The following STAC variants were observed in gnomAD, a reference collection of about 807,000 sequenced individuals.
STAC encodes SH3 and cysteine-rich domain-containing protein.
In STAC, 43 loss-of-function variants were observed where a neutral mutation model predicts 48.8. That is an observed-to-expected ratio of 0.88 (90% CI 0.69 to 1.14). STAC has a LOEUF of 1.14. STAC is among the 50% of genes most tolerant of loss of function. The pLI, the probability that STAC is intolerant of heterozygous loss-of-function variation, is 0.00. For missense variants in STAC, 497 were observed against 504.0 expected, an observed-to-expected ratio of 0.99 and a Z score of 0.13; for synonymous variants, 193 against 179.5, an observed-to-expected ratio of 1.07 and a Z score of -0.60.
chr3:36,543,889 A>G (rs968292549), intron 10 of STAC, among the ~76,000 whole-genome samples: 2 of 152,120 alleles, frequency 1.3e-5, no homozygotes, highest in Admixed American at 1.3e-4. Context: ...ATGTCAATAA[A>G]TTGTTTTCAA....
At chr3:36,488,764 A>C (rs895769318) in intron 5 of STAC, among the ~76,000 whole-genome samples, 1 of 152,182 alleles carries the variant, frequency 6.6e-6, no homozygotes, top group Non-Finnish European at 1.5e-5. Context: ...TCTCACCTAG[A>C]TTATTATAAA....
chr3:36,448,199 C>T (rs7652813), intron 2 of STAC, among the ~76,000 whole-genome samples: 47,079 of 114,108 alleles, frequency 0.41, 7,610 homozygotes, highest in South Asian at 0.45. Flanking sequence ...CTTTATTTTA[C>T]TTTATTTTAT....
intron 1 of STAC, among the ~76,000 whole-genome samples, chr3:36,386,115 C>A (rs1026448915): frequency 2.0e-5 from 3 of 152,066 alleles, no homozygotes; most frequent in Admixed American, 2.0e-4. Context: ...TATAAGACTT[C>A]AATCCACTCT....
At chr3:36,383,176 T>C (rs756639933) in intron 1 of STAC, among the ~76,000 whole-genome samples, 61 of 152,228 alleles carry the variant, frequency 4.0e-4, no homozygotes, top group Non-Finnish European at 8.4e-4. Flanking sequence ...AATCTGTTTA[T>C]ATATTTACAT....
chr3:36,448,671 G>T (rs1349055342), intron 2 of STAC, among the ~76,000 whole-genome samples: 1 of 152,188 alleles, frequency 6.6e-6, no homozygotes, highest in African/African-American at 2.4e-5. Flanking sequence ...TAGTTGAAAA[G>T]ATCTCATCTG....
intron 1 of STAC, among the ~76,000 whole-genome samples, chr3:36,417,716 T>C (rs7611802): frequency 0.023 from 3,535 of 152,296 alleles, 60 homozygotes; most frequent in East Asian, 0.026. Context: ...GGGAATAGTA[T>C]AGGTTTGAAA....
chr3:36,484,064 A>T (rs1234113085), intron 3 of STAC, among the ~76,000 whole-genome samples: 1 of 152,226 alleles, frequency 6.6e-6, no homozygotes, highest in African/African-American at 2.4e-5. Flanking sequence ...ATTAGACAGG[A>T]CATCAACAGC....
At chr3:36,427,887 G>A (rs1479383342) in intron 1 of STAC, among the ~76,000 whole-genome samples, 1 of 152,158 alleles carries the variant, frequency 6.6e-6, no homozygotes, top group Admixed American at 6.5e-5. Context: ...AAAAATATGT[G>A]TAACCTGACA....
In STAC at chr3:36,510,726, A is replaced by T. The variant is rs530084450; in HGVS notation, c.920+4892A>T. On this transcript the variant is annotated intron_variant, in intron 8 of 10. Transcript: ENST00000273183. ...ACAAGAACAGAAAACCAAACGCCGC[A>T]TGTTCTCACTCATAAGTGGGAGATG... 2.2e-4 allele frequency among the ~76,000 whole-genome samples: 34 copies of T among 152,224 alleles called. No individual in the cohort carries two copies. The East Asian group carries it at 6.0e-3, about 27-fold the overall frequency.
At chr3:36,439,230 T>TA (rs1053928883) in intron 1 of STAC, among the ~76,000 whole-genome samples, 1 of 152,160 alleles carries the variant, frequency 6.6e-6, no homozygotes, top group African/African-American at 2.4e-5. Flanking sequence ...TCTCCAGGGG[T>TA]AAAATTGCAT....
intron 2 of STAC, chr3:36,459,112 AC>A (rs1443163463): frequency 3.9e-5 from 6 of 152,248 alleles, no homozygotes; most frequent in Admixed American, 6.5e-5. Flanking sequence ...AAAAGGAAAT[AC>A]AAAATTAGTT....
chr3:36,390,292 G>C (rs1201677475), intron 1 of STAC, among the ~76,000 whole-genome samples: 1 of 151,996 alleles, frequency 6.6e-6, no homozygotes, highest in African/African-American at 2.4e-5. Context: ...ACAAATTCCA[G>C]ACATCCCACT....
intron 1 of STAC, among the ~76,000 whole-genome samples, chr3:36,393,116 C>T (rs1404233598): frequency 6.6e-6 from 1 of 152,190 alleles, no homozygotes; most frequent in African/African-American, 2.4e-5. Flanking sequence ...TCTGTGGCTA[C>T]CATCTAATTC....
rs765548085 is a variant in STAC, at chr3:36,514,204, CTT to C, written c.920+8400_920+8401del. Reference sequence around the variant, plus strand: ...TCTCTGATCCATCTACACTGGCCTTCTTTTTTTTTTTTTTTTTTTTTTTTTTT... The same window carrying C: ...TCTCTGATCCATCTACACTGGCCTTCTTTTTTTTTTTTTTTTTTTTTTTTT... On this transcript the variant is annotated intron_variant, in intron 8 of 10. Transcript: ENST00000273183. 6.2e-3 allele frequency among the ~76,000 whole-genome samples: 224 copies of C among 36,376 alleles called. 1 individual carries two copies. Among genetic ancestry groups the C allele is most frequent in the Admixed American group, 0.027 (58 of 2,180 alleles). 23.9% of individuals were successfully genotyped at this position (36,376 alleles called of 152,430 possible). A position where few individuals can be genotyped will look rare whatever the true frequency, so the allele number is the denominator to read the frequency against.
intron 1 of STAC, among the ~76,000 whole-genome samples, chr3:36,382,116 T>A (rs1308053866): frequency 6.6e-6 from 1 of 152,204 alleles, no homozygotes; most frequent in Non-Finnish European, 1.5e-5. Flanking sequence ...AGCAATCTGA[T>A]AACCCATACA....
chr3:36,446,681 A>T (rs892772759), intron 2 of STAC, among the ~76,000 whole-genome samples: 17 of 152,222 alleles, frequency 1.1e-4, no homozygotes, highest in Non-Finnish European at 1.5e-5. Flanking sequence ...TCAATGCATG[A>T]GTCTACTTCA....
chr3:36,484,660 G>A (rs1697752180), intron 3 of STAC, among the ~76,000 whole-genome samples: 1 of 152,196 alleles, frequency 6.6e-6, no homozygotes, highest in African/African-American at 2.4e-5. Context: ...CAGTCCACTT[G>A]TAATCCAGGA....
chr3:36,403,552 A>G (rs1700037699), intron 1 of STAC, among the ~76,000 whole-genome samples: 1 of 152,152 alleles, frequency 6.6e-6, no homozygotes, highest in Admixed American at 6.5e-5. Context: ...ATAAGGAATG[A>G]GCAATGAAAG....
At chr3:36,515,482 T>C (rs932677976) in intron 8 of STAC, among the ~76,000 whole-genome samples, 5 of 152,024 alleles carry the variant, frequency 3.3e-5, no homozygotes, top group African/African-American at 1.2e-4. Flanking sequence ...GGAAAGGGCA[T>C]CAGGAAGGTA....
Sources: gnomAD v4.1 joint callset for allele counts (sites outside exome capture counted in the v4.1 genomes callset) on GRCh38, gnomAD v4.1.1 for gene constraint, MANE v1.5 for transcripts, NCBI Gene and HGNC (gene_info 2026-07-23, HGNC 2026-07-21) for gene names.